PKIB: variants seen among roughly 807,000 people sequenced by gnomAD.
PKIB encodes cAMP-dependent protein kinase inhibitor beta.
Under a neutral mutation model 4.5 loss-of-function variants are expected in PKIB, and 2 were observed. The ratio of observed to expected loss-of-function variants is 0.44; its 90% CI spans 0.18 to 1.39. The LOEUF is 1.39. Ranked by LOEUF, PKIB falls within the 40% of genes most tolerant of loss-of-function variation. The probability of loss-of-function intolerance (pLI) is 0.27; values close to 1 mark genes in which losing one functional copy is unlikely to be tolerated. For synonymous variants in PKIB, 38 were observed against 36.0 expected, an observed-to-expected ratio of 1.06 and a Z score of -0.20; for missense variants, 94 against 92.6, an observed-to-expected ratio of 1.02 and a Z score of -0.06.
At chr6:122,564,275 G>T (rs946243793) in intron 2 of PKIB, among the ~76,000 whole-genome samples, 1 of 152,112 alleles carries the variant, frequency 6.6e-6, no homozygotes, top group African/African-American at 2.4e-5. Flanking sequence ...TCTTGCACTT[G>T]ATCTGGAGCT....
chr6:122,498,535 A>G (rs780151614), intron 2 of PKIB, among the ~76,000 whole-genome samples: 8 of 152,234 alleles, frequency 5.3e-5, no homozygotes, highest in Non-Finnish European at 1.2e-4. Context: ...TAAAACAGAC[A>G]CAACATACCA....
chr6:122,505,324 C>T (rs1776363595), intron 2 of PKIB, among the ~76,000 whole-genome samples: 1 of 152,196 alleles, frequency 6.6e-6, no homozygotes, highest in African/African-American at 2.4e-5. Flanking sequence ...CCTCTTGTGG[C>T]TTTCCACAAC....
chr6:122,611,657 A>G (rs1173915575), intron 1 of PKIB, among the ~76,000 whole-genome samples: 1 of 152,210 alleles, frequency 6.6e-6, no homozygotes, highest in Non-Finnish European at 1.5e-5. Context: ...TCTCTTCACA[A>G]GATGCCTTCC....
intron 2 of PKIB, among the ~76,000 whole-genome samples, chr6:122,540,806 G>T (rs937635157): frequency 7.2e-5 from 11 of 151,870 alleles, no homozygotes; most frequent in South Asian, 6.2e-4. Context: ...TTATTATTGT[G>T]TGGGAGTCTA....
intron 2 of PKIB, among the ~76,000 whole-genome samples, chr6:122,578,090 T>A (rs1262734147): frequency 6.6e-6 from 1 of 151,918 alleles, no homozygotes; most frequent in Non-Finnish European, 1.5e-5. Context: ...ACAATCTGAT[T>A]TATGAGAAGT....
rs544420529 is a variant in PKIB, at chr6:122,720,861, G to A, written c.169+2898G>A. Among the ~76,000 whole-genome samples the A allele has an allele frequency of 1.5e-3, 225 of 151,946 alleles. 1 individual carries two copies. Among genetic ancestry groups the A allele is most frequent in the African/African-American group, 5.3e-3 (218 of 41,462 alleles). ...GGATTACAGGTGCCCACCACCACAC[G>A]CTGCTAATATTTGTATTTTTAGTAG... On this transcript the variant is annotated intron_variant, in intron 4 of 4. Coordinates refer to ENST00000368452, the MANE Select transcript of PKIB (RefSeq NM_181795.3).
At chr6:122,535,589 C>T (rs768774043) in intron 2 of PKIB, among the ~76,000 whole-genome samples, 39 of 152,180 alleles carry the variant, frequency 2.6e-4, no homozygotes, top group Non-Finnish European at 4.9e-4. Flanking sequence ...TTTTGAGGCT[C>T]TTCTCTTAGT....
intron 2 of PKIB, among the ~76,000 whole-genome samples, chr6:122,503,779 T>G (rs924818237): frequency 3.3e-5 from 5 of 152,152 alleles, no homozygotes; most frequent in Non-Finnish European, 7.3e-5. Context: ...TTTTAACACC[T>G]CACCCCCCAG....
intron 2 of PKIB, among the ~76,000 whole-genome samples, chr6:122,497,047 G>A (rs1042368046): frequency 1.3e-4 from 20 of 152,202 alleles, no homozygotes; most frequent in African/African-American, 4.8e-4. Context: ...AACCTTTCAA[G>A]CTTGAAGAGA....
At chr6:122,565,307 A>G (rs981035874) in intron 2 of PKIB, among the ~76,000 whole-genome samples, 3 of 152,092 alleles carry the variant, frequency 2.0e-5, no homozygotes, top group Non-Finnish European at 4.4e-5. Flanking sequence ...CCTAGATTCT[A>G]TTCTTATTTT....
chr6:122,472,437 CATT>C (rs1775330356), intron 1 of PKIB, among the ~76,000 whole-genome samples: 1 of 115,450 alleles, frequency 8.7e-6, no homozygotes, highest in Non-Finnish European at 1.9e-5. Context: ...TTAGATAAGA[CATT>C]ATCAAACTCA....
intron 3 of PKIB, among the ~76,000 whole-genome samples, chr6:122,704,767 G>C (rs1778989190): frequency 7.1e-6 from 1 of 141,708 alleles, no homozygotes; most frequent in Non-Finnish European, 1.6e-5. Flanking sequence ...TGTTTAGAGA[G>C]ATTAAATATA....
At chr6:122,647,494 CA>C (rs1776373437) in intron 2 of PKIB, among the ~76,000 whole-genome samples, 1 of 152,134 alleles carries the variant, frequency 6.6e-6, no homozygotes, top group Non-Finnish European at 1.5e-5. Context: ...AAGAACATAG[CA>C]AAGTCATTCT....
chr6:122,506,694 A>AT (rs35341464), intron 2 of PKIB, among the ~76,000 whole-genome samples: 7,173 of 116,446 alleles, frequency 0.062, 599 homozygotes, highest in East Asian at 0.25. Flanking sequence ...TGGAGATGTA[A>AT]TTTTTTTTTT....
rs187020360 is a variant in PKIB, at chr6:122,639,950, C to T, written c.-76+6583C>T. On this transcript the variant is annotated intron_variant, in intron 2 of 4. Transcript: ENST00000368452. ...GGGAAGGGTTCGCCTGAAGACAATA[C>T]AATAAGGGACTACAAGGCTGCTTTT... Among the ~76,000 whole-genome samples, 1,112 of 152,196 alleles carry T rather than the reference C, an allele frequency of 7.3e-3. 5 individuals carry two copies. The highest frequency in any genetic ancestry group is 0.011 in the Non-Finnish European group (772 of 67,996).
At chr6:122,710,240 A>T (rs1462437386) in intron 3 of PKIB, among the ~76,000 whole-genome samples, 1 of 152,136 alleles carries the variant, frequency 6.6e-6, no homozygotes, top group Non-Finnish European at 1.5e-5. Context: ...GATGTCATAA[A>T]CCGCCATTTG....
At chr6:122,574,615 C>A (rs185634478) in intron 2 of PKIB, among the ~76,000 whole-genome samples, 28 of 152,208 alleles carry the variant, frequency 1.8e-4, no homozygotes, top group Admixed American at 1.3e-3. Context: ...CAAATACTTA[C>A]AGCTAACTAA....
At chr6:122,674,755 T>A (rs763131780) in intron 2 of PKIB, among the ~76,000 whole-genome samples, 4 of 152,208 alleles carry the variant, frequency 2.6e-5, no homozygotes, top group Admixed American at 6.5e-5. Context: ...TACAAATATT[T>A]CCTGTAATGA....
At chr6:122,608,015 T>C (rs1774602846), upstream of PKIB, among the ~76,000 whole-genome samples, 1 of 152,224 alleles carries the variant, frequency 6.6e-6, no homozygotes, top group African/African-American at 2.4e-5. Flanking sequence ...AATGTCCATA[T>C]AGTTTCTTCA....
Sources: gnomAD v4.1 joint callset for allele counts (sites outside exome capture counted in the v4.1 genomes callset) on GRCh38, gnomAD v4.1.1 for gene constraint, MANE v1.5 for transcripts, NCBI Gene and HGNC (gene_info 2026-07-23, HGNC 2026-07-21) for gene names.